SMG7: variants seen among roughly 807,000 people sequenced by gnomAD.
SMG7 encodes the protein SMG7 nonsense mediated mRNA decay factor.
A neutral mutation model predicts 148.2 loss-of-function variants in SMG7; 34 were observed. The observed-to-expected ratio is 0.23, with a 90% CI of 0.17 to 0.31. The LOEUF is 0.31. SMG7 is among the 10% of genes least tolerant of loss of function. The probability of loss-of-function intolerance (pLI) is 1.00; values close to 1 mark genes in which losing one functional copy is unlikely to be tolerated. For synonymous variants in SMG7, 492 were observed against 515.1 expected, an observed-to-expected ratio of 0.96 and a Z score of 0.61; for missense variants, 1,114 against 1,408.4, an observed-to-expected ratio of 0.79 and a Z score of 3.35.
chr1:183,479,046 TAAGTGACAG>T (rs1653404598), intron 1 of SMG7, among the ~76,000 whole-genome samples: 1 of 152,192 alleles, frequency 6.6e-6, no homozygotes, highest in African/African-American at 2.4e-5. Flanking sequence ...TGTCACATGG[TAAGTGACAG>T]CTTGTAACCA....
chr1:183,541,987 G>A (rs1199949860), intron 13 of SMG7, 89 bp from the exon 14 acceptor site: 2 of 1,076,898 alleles, frequency 1.9e-6, no homozygotes, highest in Non-Finnish European at 2.7e-6. Flanking sequence ...ATTAGTGCTA[G>A]GAATATATTG....
At chr1:183,507,245 A>G (rs1319849602) in intron 1 of SMG7, among the ~76,000 whole-genome samples, 3 of 152,186 alleles carry the variant, frequency 2.0e-5, no homozygotes, top group African/African-American at 7.2e-5. Flanking sequence ...TAAGTGCTAT[A>G]TGTATAATCA....
At position 183,552,942 on chromosome 1, in the gene SMG7, T is replaced by C. The variant is rs776437928; in HGVS notation, c.*1011T>C. On this transcript the variant is annotated 3_prime_UTR_variant, in exon 23 of 23. Transcript: ENST00000688051. ...AATGCTGTATGCTAGTAATTGTTTTTATTCCTAATGTGTGCAACATCACAT... is the reference window on the plus strand; with the variant it reads ...AATGCTGTATGCTAGTAATTGTTTTCATTCCTAATGTGTGCAACATCACAT... The C allele has an allele frequency of 1.3e-6, 2 of 1,527,246 alleles. No homozygotes were observed. The highest frequency in any genetic ancestry group is 2.4e-5 in the South Asian group (2 of 83,796). 94.6% of individuals were successfully genotyped at this position (1,527,246 alleles called of 1,614,324 possible).
intron 12 of SMG7, among the ~76,000 whole-genome samples, chr1:183,540,496 A>G (rs923121942): frequency 3.3e-5 from 5 of 151,984 alleles, no homozygotes; most frequent in Admixed American, 6.6e-5. Context: ...TCTGATATCA[A>G]TGAGTTATTC....
At position 183,518,261 on chromosome 1, in the gene SMG7, C is replaced by T. The variant is rs533060425; in HGVS notation, c.312+441C>T. Among the ~76,000 whole-genome samples, 15 of 151,640 alleles carry T rather than the reference C, an allele frequency of 9.9e-5. 1 individual carries two copies. In the Middle Eastern group the frequency reaches 0.014, roughly 138 times the overall value. On this transcript the variant is annotated intron_variant, in intron 4 of 22. Coordinates refer to ENST00000688051, the MANE Select transcript of SMG7 (RefSeq NM_001375584.1). Reference sequence around the variant, plus strand: ...CTGTGCCCAGCCTATAATCTCAATGCAAATGTCCATAAGACCTTTAAAAAA... The same window carrying T: ...CTGTGCCCAGCCTATAATCTCAATGTAAATGTCCATAAGACCTTTAAAAAA...
rs144392540 is a variant in SMG7 at position 183,546,078 on chromosome 1, T to G, written c.2483T>G (p.Ile828Arg). 3.7e-6 allele frequency: 6 copies of G among 1,613,594 alleles called. No homozygotes were observed. The highest frequency in any genetic ancestry group is 5.1e-6 in the Non-Finnish European group (6 of 1,179,888). ...QPYYLQTQDP[I>R]KLFEPSLQPP... is the part of the protein sequence containing the mutation. ...TACTACCTTCAGACCCAAGACCCCA[T>G]AAAACTGTTTGAGCCGTCATTGCAA... The change falls in exon 17 of 23, where the codon ATA becomes AGA. Residue 828 changes from isoleucine (I) to arginine (R), a missense_variant. This residue lies in a region of SMG7 where 788 missense variants were observed against 894.5 expected (regional missense o/e 0.88). Transcript: ENST00000688051.
intron 1 of SMG7, among the ~76,000 whole-genome samples, chr1:183,492,355 C>T (rs530046717): frequency 1.3e-5 from 2 of 152,298 alleles, no homozygotes; most frequent in East Asian, 1.9e-4. Context: ...CACACATACA[C>T]GTATACATAA....
At chr1:183,521,707 A>G (rs1211143436) in intron 4 of SMG7, among the ~76,000 whole-genome samples, 1 of 152,020 alleles carries the variant, frequency 6.6e-6, no homozygotes, top group Admixed American at 6.6e-5. Context: ...TCTACAAAGA[A>G]TCTAAAAATC....
Position 183,545,299 on chromosome 1 carries a change from C to T in SMG7, c.2357C>T (p.Ser786Phe). ...PALGKSPPHH[S>F]GFQQYQQADA... ...TTGGGGAAAAGCCCGCCTCACCACT[C>T]TGGATTCCAGCAGGTAAGTTACAGT... Residue 786 changes from serine to phenylalanine, a missense_variant, in exon 16 of 23, where the codon TCT becomes TTT. Ser to Phe is a radical substitution (Grantham distance 155). Transcript: ENST00000688051. The T allele has an allele frequency of 6.2e-7, 1 of 1,609,576 alleles. No homozygotes were observed. Among genetic ancestry groups the T allele is most frequent in the Non-Finnish European group, 8.5e-7 (1 of 1,179,814 alleles).
intron 2 of SMG7, 58 bp from the exon 3 acceptor site, chr1:183,515,816 T>C (rs1663385344): frequency 1.9e-6 from 2 of 1,052,194 alleles, no homozygotes; most frequent in Non-Finnish European, 2.9e-6. Context: ...TGTGGTATAA[T>C]GGTTTTAACT....
intron 1 of SMG7, among the ~76,000 whole-genome samples, chr1:183,490,612 A>G (rs950689316): frequency 5.9e-5 from 9 of 152,220 alleles, no homozygotes; most frequent in Admixed American, 2.0e-4. Context: ...TCAATATAGA[A>G]TATGCATTTT....
chr1:183,537,043 A>G (rs1189743800), intron 10 of SMG7, 102 bp from the exon 11 acceptor site: 2 of 754,540 alleles, frequency 2.7e-6, no homozygotes, highest in African/African-American at 3.5e-5. Context: ...TAAGGGAAAA[A>G]TACATAAAGT....
chr1:183,500,953 A>G (rs1235807823), intron 1 of SMG7, among the ~76,000 whole-genome samples: 1 of 152,216 alleles, frequency 6.6e-6, no homozygotes, highest in Non-Finnish European at 1.5e-5. Context: ...GAGATTGAAT[A>G]CATGCTTTGG....
At chr1:183,521,403 C>G (rs561302364) in intron 4 of SMG7, among the ~76,000 whole-genome samples, 1 of 152,194 alleles carries the variant, frequency 6.6e-6, no homozygotes, top group Admixed American at 6.5e-5. Flanking sequence ...CCTGGCCTCA[C>G]TTGCATTTTT....
Position 183,547,253 on chromosome 1 carries a change from G to A in SMG7, c.2892+1G>A. The A allele has an allele frequency of 6.5e-7, 1 of 1,549,138 alleles. No individual in the cohort carries two copies. The highest frequency in any genetic ancestry group is 8.7e-7 in the Non-Finnish European group (1 of 1,146,386). On this transcript the variant is annotated splice_donor_variant, in intron 18 of 22. Transcript: ENST00000688051. LOFTEE classifies it high-confidence loss of function. ...CTCTCTTCCTGGACGAAGCCTTTTT[G>A]TATGTATTTGACATAATTCTGCTTC...
chr1:183,552,222 A>G lies in SMG7; in HGVS notation c.*291A>G, dbSNP rs1671186691. The G allele has an allele frequency of 4.7e-5, 50 of 1,063,574 alleles. No homozygotes were observed. Among genetic ancestry groups the G allele is most frequent in the Non-Finnish European group, 5.6e-5 (49 of 879,736 alleles). 65.9% of individuals were successfully genotyped at this position (1,063,574 alleles called of 1,614,324 possible). ...GGTATCACCGCCTCTCACCTTCTCCATCGTGCATGTCCCCAGCCACATGGG... is the reference window on the plus strand; with the variant it reads ...GGTATCACCGCCTCTCACCTTCTCCGTCGTGCATGTCCCCAGCCACATGGG... On this transcript the variant is annotated 3_prime_UTR_variant, in exon 23 of 23. Transcript: ENST00000688051.
In SMG7 at chr1:183,523,117, G is replaced by A. The variant is rs115392884; in HGVS notation, c.313-3479G>A. Among the ~76,000 whole-genome samples, 883 of 152,140 alleles carry A rather than the reference G, an allele frequency of 5.8e-3. 6 individuals are homozygous for A. The highest frequency in any genetic ancestry group is 0.019 in the African/African-American group (803 of 41,524). On this transcript the variant is annotated intron_variant, in intron 4 of 22. Coordinates refer to ENST00000688051, the MANE Select transcript of SMG7 (RefSeq NM_001375584.1). ...GTTTTTAAACATCAAAGAACAGAAC[G>A]GTAGCCTTTATTCTAAGAAAATAGG...
Position 183,515,161 on chromosome 1 carries a change from G to T in SMG7, c.62-713G>T, listed in dbSNP as rs188226955. 3.5e-4 allele frequency among the ~76,000 whole-genome samples: 54 copies of T among 152,198 alleles called. 1 individual carries two copies. The East Asian group carries it at 7.1e-3, about 20-fold the overall frequency. ...ATGTGTAGTCATAGCCTGACTTTCT[G>T]ATTACATTCTACACCCAGTCTCTCA... On this transcript the variant is annotated intron_variant, in intron 2 of 22. Transcript: ENST00000688051.
intron 22 of SMG7, 97 bp downstream of exon 22, chr1:183,551,287 G>A: frequency 8.3e-7 from 1 of 1,201,356 alleles, no homozygotes; most frequent in South Asian, 1.7e-5. Context: ...GGCCCTCGGA[G>A]TTGACTGATA....
Sources: gnomAD v4.1 joint callset for allele counts (sites outside exome capture counted in the v4.1 genomes callset) on GRCh38, gnomAD v4.1.1 for gene constraint, gnomAD v4.1.1 regional missense constraint, MANE v1.5 for transcripts, NCBI Gene and HGNC (gene_info 2026-07-23, HGNC 2026-07-21) for gene names.